Variants in CNOT3 observed in about 807,000 individuals in gnomAD.
CNOT3 encodes the protein CCR4-associated factor 3.
In CNOT3, 2 loss-of-function variants were observed where a neutral mutation model predicts 89.4. The ratio of observed to expected loss-of-function variants is 0.02; its 90% CI spans 0.01 to 0.07. The LOEUF (loss-of-function observed/expected upper bound fraction) is 0.07, where lower values mean the gene tolerates loss of function less well. Among genes scored for constraint, CNOT3 ranks in the 10% least tolerant of loss-of-function variants. The pLI, the probability that CNOT3 is intolerant of heterozygous loss-of-function variation, is 1.00. For synonymous variants in CNOT3, 486 were observed against 402.0 expected, an observed-to-expected ratio of 1.21 and a Z score of -2.50; for missense variants, 664 against 1,010.2, an observed-to-expected ratio of 0.66 and a Z score of 4.65.
Position 54,143,715 on chromosome 19 carries a change from G to A in CNOT3, c.224G>A (p.Arg75Lys). ...GCGTCCAACGAGATCAAGGACAAGA[G>A]GCAGCTTATAGACAACCGCAAGCTC... ...WVASNEIKDK[R>K]QLIDNRKLIE... Residue 75 changes from arginine (R) to lysine (K), a missense_variant, in exon 5 of 18, where the codon AGG becomes AAG. Physicochemically the swap from Arg to Lys is conservative, Grantham distance 26 (BLOSUM62 2). Around this residue, in one of 8 missense-constraint regions of CNOT3, gnomAD observed 27 missense variants for 158.2 expected, o/e 0.17. Transcript: ENST00000221232. 1 of 1,614,014 alleles carries A rather than the reference G, an allele frequency of 6.2e-7. No individual in the cohort carries two copies. Among genetic ancestry groups the A allele is most frequent in the Non-Finnish European group, 8.5e-7 (1 of 1,180,014 alleles).
chr19:54,140,394 GA>G (rs2074399565), intron 1 of CNOT3, among the ~76,000 whole-genome samples: 4 of 152,000 alleles, frequency 2.6e-5, no homozygotes, highest in Non-Finnish European at 5.9e-5. Context: ...CTTCACGCCT[GA>G]GAGTGGACCT....
At position 54,153,376 on chromosome 19, in the gene CNOT3, A is replaced by T. The variant is rs1403380652; in HGVS notation, c.2038-339A>T. The T allele has an allele frequency of 5.2e-6, 4 of 764,786 alleles. No individual in the cohort carries two copies. The African/African-American group carries it at 6.8e-5, about 13-fold the overall frequency. 47.4% of individuals were successfully genotyped at this position (764,786 alleles called of 1,614,324 possible). On this transcript the variant is annotated intron_variant, in intron 16 of 17. Transcript: ENST00000221232. ...CCTGGAGACCACTGGGGAGCTGTCC[A>T]GCCCCCTCCCAACCCCAGTGAGTCA...
At position 54,149,769 on chromosome 19, in the gene CNOT3, C is replaced by T. The variant is rs370945406; in HGVS notation, c.1605+11C>T. On this transcript the variant is annotated intron_variant, in intron 13 of 17. Coordinates refer to ENST00000221232, the MANE Select transcript of CNOT3 (RefSeq NM_014516.4). Reference sequence around the variant, plus strand: ...GCCCCAGAAATCAAGGTGGGCTCCTCGGACATCCCCCGAGCCTCTGTGTCC... The same window carrying T: ...GCCCCAGAAATCAAGGTGGGCTCCTTGGACATCCCCCGAGCCTCTGTGTCC... 4.8e-5 allele frequency: 77 copies of T among 1,591,616 alleles called. 1 individual carries two copies. The African/African-American group carries it at 7.1e-4, about 15-fold the overall frequency.
intron 10 of CNOT3, among the ~76,000 whole-genome samples, chr19:54,146,973 CAGAA>C (rs1285164014): frequency 6.6e-6 from 1 of 152,158 alleles, no homozygotes; most frequent in Admixed American, 6.5e-5. Context: ...CAAGTTGTGA[CAGAA>C]AGTTTGGAAG....
chr19:54,151,910 C>T (rs2241790), intron 13 of CNOT3, among the ~76,000 whole-genome samples: 41,405 of 152,142 alleles, frequency 0.27, 6,873 homozygotes, highest in Non-Finnish European at 0.37. Context: ...AAAATGGTAG[C>T]GCACTGTACA....
At chr19:54,138,175 CCT>C (rs1339030998) in intron 1 of CNOT3, among the ~76,000 whole-genome samples, 182 bp downstream of exon 1, 1 of 151,888 alleles carries the variant, frequency 6.6e-6, no homozygotes, top group Non-Finnish European at 1.5e-5. Context: ...CGGCTCCCTC[CCT>C]CTCGCCCTCC....
Position 54,152,278 on chromosome 19 carries a change from G to T in CNOT3, c.1658G>T (p.Ser553Ile). 1 of 1,614,144 alleles carries T rather than the reference G, an allele frequency of 6.2e-7. No individual in the cohort carries two copies. The highest frequency in any genetic ancestry group is 8.5e-7 in the Non-Finnish European group (1 of 1,180,022). ...LKSMAERAAISSGIEDPVPTL... is the reference protein window; with the variant it reads ...LKSMAERAAIISGIEDPVPTL... ...TCCATGGCGGAACGGGCAGCCATCA[G>T]CTCTGGCATTGAGGACCCTGTGCCA... Residue 553 changes from serine (S) to isoleucine (I), a missense_variant, in exon 14 of 18, where the codon AGC becomes ATC. Ser to Ile is a moderately radical substitution (Grantham distance 142, BLOSUM62 -2). Around this residue, in one of 8 missense-constraint regions of CNOT3, gnomAD observed 545 missense variants for 566.2 expected, o/e 0.96. Coordinates refer to ENST00000221232, the MANE Select transcript of CNOT3 (RefSeq NM_014516.4).
Position 54,144,400 on chromosome 19 carries a change from C to T in CNOT3, c.483+68C>T. On this transcript the variant is annotated intron_variant, in intron 7 of 17. Coordinates refer to ENST00000221232, the MANE Select transcript of CNOT3 (RefSeq NM_014516.4). The surrounding 1 kb of genome is among the most constrained non-coding windows in gnomAD (Gnocchi z 4.8). The stretch of plus-strand genomic sequence containing the variant: ...TGGGAATGGGCTGGCCAGCAGGAGG[C>T]CAGTCATTTATGCTCCTGGGAGTTG... The T allele has an allele frequency of 8.4e-7, 1 of 1,187,218 alleles. No individual in the cohort carries two copies. Among genetic ancestry groups the T allele is most frequent in the Non-Finnish European group, 1.2e-6 (1 of 800,194 alleles). 73.5% of individuals were successfully genotyped at this position (1,187,218 alleles called of 1,614,324 possible).
In CNOT3 at chr19:54,148,706, C is replaced by T. The variant is rs1459108448; in HGVS notation, c.1369C>T (p.Pro457Ser). ...GNNASSQALG[P>S]PSGPHNPPPS... ...CAATGCCAGCAGCCAGGCCTTGGGC[C>T]CCCCTTCCGGCCCCCACAACCCACC... The change falls in exon 12 of 18, where the codon CCC (proline) becomes TCC (serine). Residue 457 changes from proline to serine, a missense_variant. Transcript: ENST00000221232. This position sits in a 1 kb window ranked among gnomAD's most constrained non-coding sequence, Gnocchi z 6.3. 1.9e-6 allele frequency: 3 copies of T among 1,611,838 alleles called. No individual in the cohort carries two copies. Among genetic ancestry groups the T allele is most frequent in the South Asian group, 2.2e-5 (2 of 90,668 alleles).
At chr19:54,142,093 T>C (rs1367526517) in intron 1 of CNOT3, 1 of 152,178 alleles carries the variant, frequency 6.6e-6, no homozygotes, top group Non-Finnish European at 1.5e-5. Flanking sequence ...CCACTTGCTA[T>C]GGGATTCCTC....
intron 17 of CNOT3, chr19:54,154,159 CAGTATGTGTCCCTG>C: frequency 1.8e-6 from 1 of 549,574 alleles, no homozygotes; most frequent in Non-Finnish European, 3.5e-6. Flanking sequence ...GGGATTTTCC[CAGTATGTGTCCCTG>C]CACCAGGCTG....
Position 54,144,311 on chromosome 19 carries a change from C to G in CNOT3, c.462C>G (p.Arg154=). 6.2e-7 allele frequency: 1 copy of G among 1,613,766 alleles called. No individual in the cohort carries two copies. Among genetic ancestry groups the G allele is most frequent in the Non-Finnish European group, 8.5e-7 (1 of 1,179,756 alleles). Residue 154 remains arginine, a synonymous_variant, in exon 7 of 18, where the codon CGC becomes CGG. Transcript: ENST00000221232. This position sits in a 1 kb window ranked among gnomAD's most constrained non-coding sequence, Gnocchi z 4.8. ...TGGAGTCACTGTCAGTGCAGACACGCAAGAAGAAGGGCGACAAGGATGTGA... is the reference window on the plus strand; with the variant it reads ...TGGAGTCACTGTCAGTGCAGACACGGAAGAAGAAGGGCGACAAGGATGTGA... The part of the protein sequence containing the change: ...SEVESLSVQT[R]KKKGDKDKQD...
Position 54,146,019 on chromosome 19 carries a change from G to A in CNOT3, c.813G>A (p.Pro271=), listed in dbSNP as rs1245494652. ...CAACCACCTCCAGCTCTCCCATCCC[G>A]CCCAGCCCAGCCAACTGTACCACGG... The part of the protein sequence containing the change: ...PTSTTSSSPI[P]PSPANCTTEN... The change falls in exon 9 of 18, where the codon CCG becomes CCA. Residue 271 remains proline, a synonymous_variant. Coordinates refer to ENST00000221232, the MANE Select transcript of CNOT3 (RefSeq NM_014516.4). 25 of 1,203,204 alleles carry A rather than the reference G, an allele frequency of 2.1e-5. No homozygotes were observed. The highest frequency in any genetic ancestry group is 3.1e-5 in the African/African-American group (2 of 64,672). 74.5% of individuals were successfully genotyped at this position (1,203,204 alleles called of 1,614,324 possible).
chr19:54,155,234 CCT>C (rs2075347963), intron 17 of CNOT3, 73 bp from the exon 18 acceptor site: 1 of 1,575,644 alleles, frequency 6.3e-7, no homozygotes, highest in African/African-American at 1.4e-5. Context: ...AGAATTGTCC[CCT>C]TTGTCTGTTG....
intron 13 of CNOT3, 23 bp downstream of exon 13, chr19:54,149,781 G>A (rs752787320): frequency 1.7e-5 from 27 of 1,575,214 alleles, no homozygotes; most frequent in East Asian, 4.7e-5. Flanking sequence ...GACATCCCCC[G>A]AGCCTCTGTG....
chr19:54,152,459 G>C lies in CNOT3; in HGVS notation c.1737G>C (p.Pro579=). 6.2e-7 allele frequency: 1 copy of C among 1,614,142 alleles called. No homozygotes were observed. The highest frequency in any genetic ancestry group is 8.5e-7 in the Non-Finnish European group (1 of 1,180,012). ...TCCTGAGCAGTACATCAGCACCTCC[G>C]GCCTCAGCCCAGCCGCCCCTGCAGC... is the stretch of plus-strand genomic sequence containing the variant. ...DIILSSTSAP[P]ASAQPPLQLS... is the part of the protein sequence containing the mutation. The change falls in exon 15 of 18, where the codon CCG becomes CCC. Residue 579 remains proline (P), a synonymous_variant. Transcript: ENST00000221232.
chr19:54,146,798 G>C (rs113310524), intron 10 of CNOT3, 141 bp downstream of exon 10: 4 of 690,896 alleles, frequency 5.8e-6, no homozygotes, highest in African/African-American at 3.5e-5. Flanking sequence ...CTGAGGGCAG[G>C]TGGGCAGGGC....
chr19:54,147,075 G>A (rs147785167), intron 10 of CNOT3, among the ~76,000 whole-genome samples: 33 of 152,332 alleles, frequency 2.2e-4, no homozygotes, highest in Non-Finnish European at 1.6e-4. Context: ...AGGGGCTCAG[G>A]CTTTGTGGAC....
intron 10 of CNOT3, among the ~76,000 whole-genome samples, chr19:54,147,583 T>A (rs1166308493): frequency 6.6e-6 from 1 of 152,130 alleles, no homozygotes; most frequent in Non-Finnish European, 1.5e-5. Flanking sequence ...CAGGAGGTGG[T>A]TAGGCTCAGC....
Sources: gnomAD v4.1 joint callset for allele counts (sites outside exome capture counted in the v4.1 genomes callset) on GRCh38, gnomAD v4.1.1 for gene constraint, gnomAD v4.1.1 regional missense constraint, Gnocchi (gnomAD v3.1) non-coding constraint, MANE v1.5 for transcripts, NCBI Gene and HGNC (gene_info 2026-07-23, HGNC 2026-07-21) for gene names.